DNAH12: variants seen among roughly 807,000 people sequenced by gnomAD.
DNAH12 encodes the protein dynein axonemal heavy chain 12.
Under a neutral mutation model 371.5 loss-of-function variants are expected in DNAH12, and 285 were observed. The observed-to-expected ratio is 0.77, with a 90% CI of 0.70 to 0.85. The LOEUF (loss-of-function observed/expected upper bound fraction) is 0.85. Ranked by LOEUF, DNAH12 falls within the 40% of genes least tolerant of loss-of-function variation. DNAH12 has a pLI of 0.00. For synonymous variants in DNAH12, 1,200 were observed against 1,213.0 expected (o/e 0.99, Z 0.22); for missense variants, 3,611 against 3,689.4 (o/e 0.98, Z 0.55).
intron 12 of DNAH12, among the ~76,000 whole-genome samples, chr3:57,489,110 A>G (rs1344520817): frequency 6.6e-6 from 1 of 152,172 alleles, no homozygotes; most frequent in African/African-American, 2.4e-5. Flanking sequence ...TTTTATAGCC[A>G]CCCTGAAAAG....
At chr3:57,345,650 G>A (rs1167098935) in intron 60 of DNAH12, among the ~76,000 whole-genome samples, 1 of 152,106 alleles carries the variant, frequency 6.6e-6, no homozygotes, top group African/African-American at 2.4e-5. Context: ...TACAGTGTGT[G>A]CCACAGTTAA....
intron 43 of DNAH12, among the ~76,000 whole-genome samples, chr3:57,396,229 G>C (rs1341906411): frequency 2.3e-5 from 3 of 130,848 alleles, no homozygotes; most frequent in African/African-American, 8.3e-5. Context: ...AGTGAGCCAG[G>C]ATTGTGTCAT....
At chr3:57,439,352 T>C (rs1252250559) in intron 29 of DNAH12, among the ~76,000 whole-genome samples, 2 of 152,094 alleles carry the variant, frequency 1.3e-5, no homozygotes. Flanking sequence ...ACAAAAATAG[T>C]GACACAGACC....
intron 4 of DNAH12, among the ~76,000 whole-genome samples, chr3:57,511,521 CA>C (rs35807891): frequency 6.6e-6 from 1 of 152,126 alleles, no homozygotes; most frequent in Non-Finnish European, 1.5e-5. Flanking sequence ...TCACTTTTCC[CA>C]AAATTGATTT....
chr3:57,364,618 A>G (rs1319385807), intron 57 of DNAH12, among the ~76,000 whole-genome samples: 1 of 152,214 alleles, frequency 6.6e-6, no homozygotes, highest in Non-Finnish European at 1.5e-5. Context: ...AAATTGAAAA[A>G]TGGGATCTAA....
intron 55 of DNAH12, 90 bp from the exon 56 acceptor site, chr3:57,368,350 T>C (rs1226247585): frequency 6.6e-6 from 1 of 152,072 alleles, no homozygotes; most frequent in Non-Finnish European, 1.5e-5. Flanking sequence ...ACCATCAATC[T>C]GTACAAAGTA....
intron 60 of DNAH12, 89 bp from the exon 61 acceptor site, chr3:57,335,029 A>T: frequency 5.2e-6 from 7 of 1,357,812 alleles, no homozygotes; most frequent in Non-Finnish European, 5.9e-6. Flanking sequence ...GGATAGAACA[A>T]CTTAGACTGT....
intron 45 of DNAH12, among the ~76,000 whole-genome samples, chr3:57,387,572 T>A (rs988667723): frequency 2.6e-5 from 4 of 152,118 alleles, no homozygotes; most frequent in Admixed American, 2.6e-4. Flanking sequence ...ACCCAATATC[T>A]ACTAGCCCCT....
At position 57,327,204 on chromosome 3, in the gene DNAH12, T is replaced by C. The variant is rs1202267752; in HGVS notation, c.9979-3585A>G. Among the ~76,000 whole-genome samples the C allele has an allele frequency of 3.3e-5, 5 of 152,152 alleles. No homozygotes were observed. In the East Asian group the frequency reaches 9.7e-4, roughly 29 times the overall value. On this transcript the variant is annotated intron_variant, in intron 62 of 73. Coordinates refer to ENST00000495027, the MANE Select transcript of DNAH12 (RefSeq NM_001366028.2). Reference sequence around the variant, plus strand: ...GGAGTTGAACTCAGCTCTGCACCAATGGACCTAATAGACATCTACAGAACT... The same window carrying C: ...GGAGTTGAACTCAGCTCTGCACCAACGGACCTAATAGACATCTACAGAACT...
intron 29 of DNAH12, among the ~76,000 whole-genome samples, chr3:57,441,026 G>A (rs2065287455): frequency 1.3e-5 from 2 of 152,008 alleles, no homozygotes; most frequent in African/African-American, 4.8e-5. Context: ...AAAAAATAAT[G>A]AAGTCATGAG....
chr3:57,501,671 G>T (rs1048483448), intron 10 of DNAH12, among the ~76,000 whole-genome samples: 3 of 152,152 alleles, frequency 2.0e-5, no homozygotes, highest in Non-Finnish European at 4.4e-5. Context: ...CCAATTAATA[G>T]AAGATATTGG....
intron 62 of DNAH12, among the ~76,000 whole-genome samples, chr3:57,324,999 G>T (rs540534760): frequency 6.6e-6 from 1 of 152,220 alleles, no homozygotes; most frequent in African/African-American, 2.4e-5. Flanking sequence ...AAACTGCAAG[G>T]CGGCAGCGAG....
intron 47 of DNAH12, 78 bp from the exon 48 acceptor site, chr3:57,385,507 T>G (rs1228614421): frequency 6.6e-6 from 1 of 152,212 alleles, no homozygotes; most frequent in Admixed American, 6.5e-5. Flanking sequence ...AAATAGAAAT[T>G]TAAATGTATC....
intron 34 of DNAH12, among the ~76,000 whole-genome samples, chr3:57,425,927 A>G (rs1023768718): frequency 1.3e-5 from 2 of 152,246 alleles, no homozygotes; most frequent in African/African-American, 4.8e-5. Flanking sequence ...TAATAATGAT[A>G]TGACAGAGAA....
At chr3:57,320,895 C>T (rs535346123) in intron 65 of DNAH12, among the ~76,000 whole-genome samples, 2 of 152,292 alleles carry the variant, frequency 1.3e-5, no homozygotes, top group South Asian at 4.1e-4. Flanking sequence ...AGAGAAGTTG[C>T]TTGGTGAAGC....
Position 57,453,368 on chromosome 3 carries a change from T to C in DNAH12, c.3492A>G (p.Gln1164=), listed in dbSNP as rs532104222. ...TTACCAGCTCTACAATCTCATTCAGTTGGTTCTGAAGTTCCTTATAATACT... is the reference window on the plus strand; with the variant it reads ...TTACCAGCTCTACAATCTCATTCAGCTGGTTCTGAAGTTCCTTATAATACT... ...LKKYYKELQN[Q]LNEIVELVRG... Residue 1164 remains glutamine, a synonymous_variant, in exon 24 of 74, where the codon CAA becomes CAG. Coordinates refer to ENST00000495027, the MANE Select transcript of DNAH12 (RefSeq NM_001366028.2). 1.6e-4 allele frequency: 250 copies of C among 1,550,336 alleles called. No homozygotes were observed. The East Asian group carries it at 5.9e-3, about 37-fold the overall frequency.
intron 13 of DNAH12, among the ~76,000 whole-genome samples, chr3:57,480,184 A>C (rs887999543): frequency 1.7e-5 from 2 of 120,078 alleles, no homozygotes; most frequent in Non-Finnish European, 3.9e-5. Flanking sequence ...CAAGACTAAT[A>C]AAGAAGAAAA....
In DNAH12 at chr3:57,438,918, C is replaced by CGAAAAAAAAAAAAAAAAAAAA. The variant is rs562343761; in HGVS notation, c.4546-1859_4546-1858insTTTTTTTTTTTTTTTTTTTTC. On this transcript the variant is annotated intron_variant, in intron 29 of 73. Coordinates refer to ENST00000495027, the MANE Select transcript of DNAH12 (RefSeq NM_001366028.2). Reference sequence around the variant, plus strand: ...CAACAGAGTGAAACTCTGTCTCAGACAAAAAAAAAAAAAAGGAAAGCAACT... The same window carrying CGAAAAAAAAAAAAAAAAAAAA: ...CAACAGAGTGAAACTCTGTCTCAGACGAAAAAAAAAAAAAAAAAAAAAAAAAAAAAAAAAAGGAAAGCAACT... Among the ~76,000 whole-genome samples, 125 of 94,498 alleles carry CGAAAAAAAAAAAAAAAAAAAA rather than the reference C, an allele frequency of 1.3e-3. 23 individuals carry two copies. The highest frequency in any genetic ancestry group is 2.7e-3 in the South Asian group (6 of 2,240). 62.0% of individuals were successfully genotyped at this position (94,498 alleles called of 152,430 possible). A position where few individuals can be genotyped will look rare whatever the true frequency, so the allele number is the denominator to read the frequency against.
At chr3:57,338,550 G>A (rs369386000) in intron 60 of DNAH12, among the ~76,000 whole-genome samples, 4 of 146,798 alleles carry the variant, frequency 2.7e-5, no homozygotes, top group Non-Finnish European at 4.5e-5. Flanking sequence ...CTGCCCGGCC[G>A]CCACCTCATC....
Sources: allele counts gnomAD v4.1 joint callset (sites outside exome capture counted in the v4.1 genomes callset), GRCh38; gene constraint gnomAD v4.1.1; transcripts MANE v1.5; gene names NCBI Gene and HGNC (gene_info 2026-07-23, HGNC 2026-07-21).